Variants in TMEM204 observed in about 807,000 individuals in gnomAD.
TMEM204 encodes the protein claudin-like protein 24.
Under a neutral mutation model 19.4 loss-of-function variants are expected in TMEM204, and 15 were observed. The ratio of observed to expected loss-of-function variants is 0.77; its 90% CI spans 0.52 to 1.19. The LOEUF (loss-of-function observed/expected upper bound fraction) is 1.19. Among genes scored for constraint, TMEM204 ranks in the 50% most tolerant of loss-of-function variants. The probability of loss-of-function intolerance (pLI) is 0.00; values close to 1 mark genes in which losing one functional copy is unlikely to be tolerated. For synonymous variants in TMEM204, 161 were observed against 146.0 expected (o/e 1.10, Z -0.74); for missense variants, 287 against 321.2 (o/e 0.89, Z 0.81).
At chr16:1,546,711 GC>G (rs1272593475) in intron 2 of TMEM204, among the ~76,000 whole-genome samples, 1 of 152,178 alleles carries the variant, frequency 6.6e-6, no homozygotes, top group Non-Finnish European at 1.5e-5. Context: ...GGGCCCTCCC[GC>G]CCGCAGCTCT....
chr16:1,530,435 A>C (rs1385062728), upstream of TMEM204, among the ~76,000 whole-genome samples: 2 of 152,008 alleles, frequency 1.3e-5, no homozygotes, highest in African/African-American at 4.8e-5. Flanking sequence ...CCGGCCCACA[A>C]CTGGAATCTT....
rs1567340325 is a variant in TMEM204 at position 1,534,368 on chromosome 16, G to C, written c.93G>C (p.Val31=). The C allele has an allele frequency of 1.2e-6, 2 of 1,612,890 alleles. No homozygotes were observed. Among genetic ancestry groups the C allele is most frequent in the Non-Finnish European group, 1.7e-6 (2 of 1,179,888 alleles). ...TGGCGGCCTTCACCTCCAACTGGGTGTGCCAGACGCTGGAGGATGGGCGCA... is the reference window on the plus strand; with the variant it reads ...TGGCGGCCTTCACCTCCAACTGGGTCTGCCAGACGCTGGAGGATGGGCGCA... ...NNVAAFTSNW[V]CQTLEDGRRR... Residue 31 remains valine, a synonymous_variant, in exon 1 of 3, where the codon GTG becomes GTC. Transcript: ENST00000566264.
In TMEM204 at chr16:1,555,260, C is replaced by T. The variant is rs1405705588; in HGVS notation, c.*234C>T. 17 of 538,214 alleles carry T rather than the reference C, an allele frequency of 3.2e-5. 1 individual carries two copies. The highest frequency in any genetic ancestry group is 1.6e-4 in the South Asian group (7 of 44,630). The allele number at this position is 538,214 out of a possible 1,614,324, so 33.3% of individuals were successfully genotyped here. On this transcript the variant is annotated 3_prime_UTR_variant, in exon 3 of 3. Transcript: ENST00000566264. The stretch of plus-strand genomic sequence containing the variant: ...CCTCCAGCTTTCCTGGTTAGCGCAA[C>T]GCGGCTCCACGACCACACGCACTTC...
intron 2 of TMEM204, among the ~76,000 whole-genome samples, chr16:1,549,380 G>A (rs148949062): frequency 6.6e-6 from 1 of 152,362 alleles, no homozygotes; most frequent in African/African-American, 2.4e-5. Flanking sequence ...AGCGAGTGAA[G>A]CGCGGCTCCC....
Position 1,555,195 on chromosome 16 carries a change from G to C in TMEM204, c.*169G>C. 1 of 846,020 alleles carries C rather than the reference G, an allele frequency of 1.2e-6. No homozygotes were observed. The highest frequency in any genetic ancestry group is 1.8e-6 in the Non-Finnish European group (1 of 563,380). The allele number at this position is 846,020 out of a possible 1,614,324, so 52.4% of individuals were successfully genotyped here. ...ACACGTGTGCGTTTACTGTTATGTC[G>C]GTCATATGTCTGTACGTGTCGTGGG... On this transcript the variant is annotated 3_prime_UTR_variant, in exon 3 of 3. Coordinates refer to ENST00000566264, the MANE Select transcript of TMEM204 (RefSeq NM_024600.6).
rs761898808 is a variant in TMEM204, at chr16:1,541,929, G to T, written c.289G>T (p.Asp97Tyr). ...CTGCTCTTGGCCCACAGTGCAGTTC[G>T]ACATGATGCGCGCCTGCAACCTGGT... ...ESRGTVKLQF[D>Y]MMRACNLVAT... Residue 97 changes from aspartate (D) to tyrosine (Y), a missense_variant, in exon 2 of 3, where the codon GAC (aspartate) becomes TAC (tyrosine). Physicochemically the swap from Asp to Tyr is radical, Grantham distance 160. Coordinates refer to ENST00000566264, the MANE Select transcript of TMEM204 (RefSeq NM_024600.6). The T allele has an allele frequency of 1.2e-5, 19 of 1,602,320 alleles. No individual in the cohort carries two copies. In the Admixed American group the frequency reaches 3.2e-4, roughly 27 times the overall value.
At chr16:1,550,851 G>A (rs995795763) in intron 2 of TMEM204, among the ~76,000 whole-genome samples, 2 of 152,256 alleles carry the variant, frequency 1.3e-5, no homozygotes, top group Non-Finnish European at 2.9e-5. Flanking sequence ...AGCCGTCTCT[G>A]TGGCTGACGC....
intron 1 of TMEM204, among the ~76,000 whole-genome samples, chr16:1,537,308 C>T (rs541852560): frequency 1.3e-5 from 2 of 152,340 alleles, no homozygotes; most frequent in African/African-American, 2.4e-5. Flanking sequence ...CTGAGGCCCG[C>T]GTGGATGTCT....
At chr16:1,543,288 G>T (rs560265597) in intron 2 of TMEM204, among the ~76,000 whole-genome samples, 1 of 152,360 alleles carries the variant, frequency 6.6e-6, no homozygotes, top group South Asian at 2.1e-4. Context: ...ATCATTCTAG[G>T]AATAATGATC....
At chr16:1,547,727 G>T (rs971816471) in intron 2 of TMEM204, among the ~76,000 whole-genome samples, 1 of 152,122 alleles carries the variant, frequency 6.6e-6, no homozygotes, top group Non-Finnish European at 1.5e-5. Flanking sequence ...GTAGAGATGG[G>T]GTTTCACCAT....
At chr16:1,535,636 C>A (rs751589378) in intron 1 of TMEM204, among the ~76,000 whole-genome samples, 47 of 152,330 alleles carry the variant, frequency 3.1e-4, no homozygotes, top group Non-Finnish European at 5.0e-4. Flanking sequence ...GCGCTCAGAA[C>A]CCTCAGCGGG....
intron 2 of TMEM204, among the ~76,000 whole-genome samples, chr16:1,547,277 G>A (rs1360298969): frequency 6.6e-6 from 1 of 152,200 alleles, no homozygotes; most frequent in African/African-American, 2.4e-5. Context: ...GGTCCGTCCC[G>A]ATGCCCCGTG....
intron 1 of TMEM204, among the ~76,000 whole-genome samples, chr16:1,539,529 G>A (rs1407955583): frequency 1.3e-5 from 2 of 152,264 alleles, no homozygotes; most frequent in Non-Finnish European, 2.9e-5. Context: ...CCCGCTGTCC[G>A]TACGGGAACC....
chr16:1,542,780 C>G (rs1205401239), intron 2 of TMEM204, among the ~76,000 whole-genome samples: 1 of 152,252 alleles, frequency 6.6e-6, no homozygotes, highest in Non-Finnish European at 1.5e-5. Context: ...CCCCAAGCCG[C>G]CATGTGAGTT....
intron 2 of TMEM204, among the ~76,000 whole-genome samples, chr16:1,550,819 CA>C (rs1176376063): frequency 1.3e-5 from 2 of 152,210 alleles, no homozygotes; most frequent in East Asian, 3.9e-4. Context: ...GCCAGTTCCC[CA>C]AGGAAAGTCA....
At position 1,541,981 on chromosome 16, in the gene TMEM204, A is replaced by G; in HGVS notation, c.341A>G (p.Gln114Arg). 6.2e-7 allele frequency: 1 copy of G among 1,611,198 alleles called. No individual in the cohort carries two copies. The highest frequency in any genetic ancestry group is 8.5e-7 in the Non-Finnish European group (1 of 1,179,688). ...LVATAALTAG[Q>R]LTFLLGLVGL... ...GCCACGGCCGCGCTCACCGCAGGCC[A>G]GCTCACCTTCCTCCTGGGGCTGGTG... The change falls in exon 2 of 3, where the codon CAG (glutamine) becomes CGG (arginine). Residue 114 changes from glutamine to arginine, a missense_variant. Coordinates refer to ENST00000566264, the MANE Select transcript of TMEM204 (RefSeq NM_024600.6).
intron 2 of TMEM204, 41 bp downstream of exon 2, chr16:1,542,117 CT>C (rs1567349117): frequency 6.6e-7 from 1 of 1,523,774 alleles, no homozygotes. Flanking sequence ...CCCTTGCCCC[CT>C]GTGGCCTTCT....
chr16:1,541,651 A>G (rs1230061828), intron 1 of TMEM204: 2 of 342,750 alleles, frequency 5.8e-6, no homozygotes, highest in Non-Finnish European at 8.2e-6. Flanking sequence ...GAAATAGCAG[A>G]GTAGGGCCCG....
chr16:1,548,598 T>C (rs950981553), intron 2 of TMEM204, among the ~76,000 whole-genome samples: 1 of 152,208 alleles, frequency 6.6e-6, no homozygotes, highest in Non-Finnish European at 1.5e-5. Flanking sequence ...GAGAAAAGTC[T>C]TCAGGAAACA....
Sources: gnomAD v4.1 joint callset for allele counts (sites outside exome capture counted in the v4.1 genomes callset) on GRCh38, gnomAD v4.1.1 for gene constraint, MANE v1.5 for transcripts, NCBI Gene and HGNC (gene_info 2026-07-23, HGNC 2026-07-21) for gene names.